POU6F2: variants seen among roughly 807,000 people sequenced by gnomAD.
POU6F2 encodes POU class 6 homeobox 2, also known as POU domain, class 6, transcription factor 2.
Under a neutral mutation model 71.3 loss-of-function variants are expected in POU6F2, and 31 were observed. The observed-to-expected ratio is 0.43, with a 90% CI of 0.33 to 0.59. POU6F2 has a LOEUF of 0.59. POU6F2 is among the 20% of genes least tolerant of loss of function. The pLI is 0.04. For missense variants in POU6F2, 783 were observed against 856.8 expected (o/e 0.91, Z 1.07); for synonymous variants, 347 against 355.7 (o/e 0.98, Z 0.27).
chr7:39,451,253 G>C (rs1343406156), intron 7 of POU6F2, among the ~76,000 whole-genome samples: 2 of 151,998 alleles, frequency 1.3e-5, no homozygotes, highest in Non-Finnish European at 2.9e-5. Flanking sequence ...CCACATGCCA[G>C]GGTCGAGAAA....
rs1396022558 is a variant in POU6F2, at chr7:39,465,793, A to T, written c.*1107A>T. On this transcript the variant is annotated 3_prime_UTR_variant, in exon 10 of 10. Coordinates refer to ENST00000518318, the MANE Select transcript of POU6F2 (RefSeq NM_001370959.1). ...CAGTCTGTTGGCCACGTACATGGAG[A>T]GCTGACCAAAACTAATTTTGTAATA... 6.6e-6 allele frequency: 1 copy of T among 152,196 alleles called. No individual in the cohort carries two copies. Among genetic ancestry groups the T allele is most frequent in the Non-Finnish European group, 1.5e-5 (1 of 68,046 alleles). The allele number at this position is 152,196 out of a possible 1,614,324, so 9.4% of individuals were successfully genotyped here. A position where few individuals can be genotyped will look rare whatever the true frequency, so the allele number is the denominator to read the frequency against.
chr7:39,041,158 C>T (rs1790186562), intron 1 of POU6F2, among the ~76,000 whole-genome samples: 1 of 151,928 alleles, frequency 6.6e-6, no homozygotes, highest in African/African-American at 2.4e-5. Flanking sequence ...GTACCACAGG[C>T]CTTGTTCCAA....
At chr7:39,246,970 G>A (rs571928015) in intron 4 of POU6F2, among the ~76,000 whole-genome samples, 30 of 134,144 alleles carry the variant, frequency 2.2e-4, no homozygotes, top group African/African-American at 8.7e-4. Context: ...TGAGTGCAAT[G>A]GCGCGATCTC....
Position 39,196,290 on chromosome 7 carries a change from TAATG to T in POU6F2, c.278-7943_278-7940del, listed in dbSNP as rs143520424. 7.0e-3 allele frequency among the ~76,000 whole-genome samples: 1,069 copies of T among 152,330 alleles called. 11 individuals are homozygous for T. The highest frequency in any genetic ancestry group is 0.025 in the African/African-American group (1,031 of 41,570). ...CTTGTCTCTCTATTATCAGCATAGA[TAATG>T]AGTTAGAAAACAAAATCGTATTTTA... On this transcript the variant is annotated intron_variant, in intron 2 of 9. Coordinates refer to ENST00000518318, the MANE Select transcript of POU6F2 (RefSeq NM_001370959.1).
chr7:39,053,237 A>G (rs1790433495), intron 1 of POU6F2, among the ~76,000 whole-genome samples: 1 of 152,246 alleles, frequency 6.6e-6, no homozygotes, highest in East Asian at 1.9e-4. Context: ...TTTGCATCAC[A>G]TGGGCCATTT....
intron 2 of POU6F2, among the ~76,000 whole-genome samples, chr7:39,092,317 T>C (rs1193354897): frequency 6.6e-6 from 1 of 152,218 alleles, no homozygotes; most frequent in Non-Finnish European, 1.5e-5. Context: ...AGCCTGGCTC[T>C]GGAATTTTCT....
chr7:39,443,639 C>T (rs1230621300), intron 7 of POU6F2, among the ~76,000 whole-genome samples: 1 of 152,190 alleles, frequency 6.6e-6, no homozygotes, highest in Non-Finnish European at 1.5e-5. Flanking sequence ...ACAGGAGATG[C>T]ACAAGTGTGA....
chr7:39,373,729 A>G (rs1786657633), intron 5 of POU6F2: 1 of 329,674 alleles, frequency 3.0e-6, no homozygotes, highest in African/African-American at 2.1e-5. Context: ...ATCTATGTTC[A>G]TCATGTTGAA....
chr7:39,102,948 A>G (rs1249665917), intron 2 of POU6F2, among the ~76,000 whole-genome samples: 2 of 152,210 alleles, frequency 1.3e-5, no homozygotes, highest in Non-Finnish European at 2.9e-5. Flanking sequence ...ATAAGATATA[A>G]TCTTATGGGA....
At chr7:39,175,926 C>G (rs1793319263) in intron 2 of POU6F2, among the ~76,000 whole-genome samples, 1 of 152,212 alleles carries the variant, frequency 6.6e-6, no homozygotes, top group African/African-American at 2.4e-5. Flanking sequence ...TCAACAGTTC[C>G]CTAAGCTTCT....
intron 1 of POU6F2, among the ~76,000 whole-genome samples, chr7:39,027,092 A>G (rs1401498302): frequency 6.6e-6 from 1 of 152,204 alleles, no homozygotes; most frequent in Non-Finnish European, 1.5e-5. Context: ...AGTAAAAGAC[A>G]TAAGCAATTT....
chr7:39,046,139 T>G (rs1790286281), intron 1 of POU6F2, among the ~76,000 whole-genome samples: 1 of 151,972 alleles, frequency 6.6e-6, no homozygotes, highest in Non-Finnish European at 1.5e-5. Flanking sequence ...ATATTTTTTA[T>G]TATAACTATT....
At chr7:39,244,015 T>C (rs1024957482) in intron 4 of POU6F2, among the ~76,000 whole-genome samples, 1 of 152,184 alleles carries the variant, frequency 6.6e-6, no homozygotes, top group Non-Finnish European at 1.5e-5. Context: ...TAACTTTCCA[T>C]TAATGGCAGT....
chr7:39,107,944 A>G (rs971400883), intron 2 of POU6F2, among the ~76,000 whole-genome samples: 2 of 152,260 alleles, frequency 1.3e-5, no homozygotes, highest in Admixed American at 1.3e-4. Context: ...CAGCAGAGCA[A>G]GAAAAGCCTT....
chr7:39,390,503 A>G (rs1166017907), intron 5 of POU6F2, among the ~76,000 whole-genome samples: 1 of 152,232 alleles, frequency 6.6e-6, no homozygotes, highest in Non-Finnish European at 1.5e-5. Context: ...TTGTTAAATC[A>G]ATAAATCTTA....
chr7:39,421,296 T>C (rs1337018870), intron 6 of POU6F2, among the ~76,000 whole-genome samples: 3 of 152,168 alleles, frequency 2.0e-5, no homozygotes, highest in Non-Finnish European at 4.4e-5. Context: ...TGAGGACAAC[T>C]TTTTTCTGAT....
At chr7:39,400,638 A>C (rs1562816173) in intron 5 of POU6F2, among the ~76,000 whole-genome samples, 1 of 152,218 alleles carries the variant, frequency 6.6e-6, no homozygotes, top group East Asian at 1.9e-4. Context: ...GAGCTGGGTC[A>C]GTTTTCCTCC....
chr7:39,418,197 A>G (rs1787727124), intron 6 of POU6F2, among the ~76,000 whole-genome samples: 1 of 152,252 alleles, frequency 6.6e-6, no homozygotes, highest in Admixed American at 6.5e-5. Flanking sequence ...CACTGCAGCT[A>G]GAACCAAATG....
chr7:39,156,486 C>T (rs574748201), intron 2 of POU6F2, among the ~76,000 whole-genome samples: 1 of 152,104 alleles, frequency 6.6e-6, no homozygotes, highest in South Asian at 2.1e-4. Context: ...GGAAACTATA[C>T]AGCATGAAAT....
Sources: allele counts gnomAD v4.1 joint callset (sites outside exome capture counted in the v4.1 genomes callset), GRCh38; gene constraint gnomAD v4.1.1; transcripts MANE v1.5; gene names NCBI Gene and HGNC (gene_info 2026-07-23, HGNC 2026-07-21).